Variants in RABGAP1L observed in about 807,000 individuals in gnomAD.
The protein encoded by RABGAP1L is RAB GTPase activating protein 1 like, also known as rab GTPase-activating protein 1-like.
In RABGAP1L, 63 loss-of-function variants were observed where a neutral mutation model predicts 137.7. The ratio of observed to expected loss-of-function variants is 0.46; its 90% CI spans 0.37 to 0.56. The LOEUF is 0.56. RABGAP1L is among the 20% of genes least tolerant of loss of function. The pLI, the probability that RABGAP1L is intolerant of heterozygous loss-of-function variation, is 0.00. For missense variants in RABGAP1L, 1,095 were observed against 1,244.0 expected (o/e 0.88, Z 1.80); for synonymous variants, 431 against 433.7 (o/e 0.99, Z 0.08).
intron 18 of RABGAP1L, among the ~76,000 whole-genome samples, chr1:174,781,744 T>G (rs1237837985): frequency 1.3e-5 from 2 of 152,222 alleles, no homozygotes; most frequent in Admixed American, 6.5e-5. Flanking sequence ...AATTTTTGTA[T>G]AAGGTATAAG....
intron 18 of RABGAP1L, among the ~76,000 whole-genome samples, chr1:174,799,499 T>G (rs1688535401): frequency 6.6e-6 from 1 of 152,136 alleles, no homozygotes; most frequent in African/African-American, 2.4e-5. Context: ...TGACTGGCTG[T>G]CTGATTTTTT....
chr1:174,243,955 T>C (rs544635387), intron 5 of RABGAP1L, among the ~76,000 whole-genome samples: 5 of 152,362 alleles, frequency 3.3e-5, no homozygotes, highest in African/African-American at 1.2e-4. Flanking sequence ...TTATGTTTTA[T>C]AAAGGGATTT....
intron 13 of RABGAP1L, among the ~76,000 whole-genome samples, chr1:174,550,997 C>CAT (rs1252681895): frequency 0.019 from 1,731 of 92,124 alleles, 68 homozygotes; most frequent in African/African-American, 0.039. Context: ...TATATATATA[C>CAT]ACATATATAT....
intron 19 of RABGAP1L, among the ~76,000 whole-genome samples, chr1:174,880,079 G>GA (rs60691029): frequency 6.2e-5 from 9 of 145,172 alleles, no homozygotes; most frequent in Non-Finnish European, 9.2e-5. Flanking sequence ...AAAAAAAAAG[G>GA]AAAAAAAAAC....
chr1:174,417,964 AT>A (rs1209936619), intron 13 of RABGAP1L, among the ~76,000 whole-genome samples: 2 of 152,166 alleles, frequency 1.3e-5, no homozygotes, highest in Non-Finnish European at 2.9e-5. Context: ...ATCATAGAGA[AT>A]TTTTTTATAT....
intron 10 of RABGAP1L, 32 bp from the exon 11 acceptor site, chr1:174,304,953 TA>T: frequency 6.7e-7 from 1 of 1,485,900 alleles, no homozygotes; most frequent in Non-Finnish European, 9.0e-7. Flanking sequence ...TTCAGATTTC[TA>T]ATACTTAAAT....
chr1:174,306,374 G>C (rs576478221), intron 11 of RABGAP1L, among the ~76,000 whole-genome samples: 79 of 152,150 alleles, frequency 5.2e-4, no homozygotes, highest in African/African-American at 7.0e-4. Flanking sequence ...AGTTTACAGT[G>C]CCACCAACAG....
intron 13 of RABGAP1L, among the ~76,000 whole-genome samples, chr1:174,586,295 G>A (rs1293045056): frequency 8.0e-6 from 1 of 125,070 alleles, no homozygotes; most frequent in Admixed American, 8.0e-5. Context: ...AACACCTCGT[G>A]AACAGAAAAC....
At chr1:174,427,398 A>G (rs1460637645) in intron 13 of RABGAP1L, among the ~76,000 whole-genome samples, 1 of 152,054 alleles carries the variant, frequency 6.6e-6, no homozygotes, top group Non-Finnish European at 1.5e-5. Context: ...TTCTCTCTTA[A>G]GCATGTCTTA....
At chr1:174,973,823 G>A (rs1490952327) in intron 21 of RABGAP1L, among the ~76,000 whole-genome samples, 1 of 152,082 alleles carries the variant, frequency 6.6e-6, no homozygotes, top group East Asian at 1.9e-4. Context: ...AGTGGAAATT[G>A]CTGTGGGTCC....
chr1:174,889,537 C>G (rs998733896), intron 19 of RABGAP1L, among the ~76,000 whole-genome samples: 6 of 152,212 alleles, frequency 3.9e-5, no homozygotes, highest in African/African-American at 1.4e-4. Flanking sequence ...CCTCCTGCTT[C>G]AACCTCTCAA....
intron 5 of RABGAP1L, among the ~76,000 whole-genome samples, chr1:174,250,102 G>T (rs1172551716): frequency 6.6e-6 from 1 of 152,130 alleles, no homozygotes; most frequent in Non-Finnish European, 1.5e-5. Context: ...AAGTTTCCAT[G>T]AAGTGAAATG....
chr1:174,799,789 G>A (rs1433742009), intron 18 of RABGAP1L: 2 of 969,682 alleles, frequency 2.1e-6, no homozygotes, highest in African/African-American at 1.8e-5. Flanking sequence ...AGCAGCAGCA[G>A]CAACAACAGC....
chr1:174,294,033 T>G (rs1407996660), intron 10 of RABGAP1L, among the ~76,000 whole-genome samples: 1 of 152,118 alleles, frequency 6.6e-6, no homozygotes. Context: ...GGTGTATGTT[T>G]CACAGCTGTA....
chr1:174,954,508 AT>A (rs1368973286), intron 19 of RABGAP1L, among the ~76,000 whole-genome samples: 12 of 152,314 alleles, frequency 7.9e-5, no homozygotes, highest in Non-Finnish European at 1.8e-4. Flanking sequence ...TTAAAAGGAC[AT>A]TTTTTTCTCT....
At chr1:174,169,374 G>A (rs1017200033) in intron 1 of RABGAP1L, among the ~76,000 whole-genome samples, 1 of 152,094 alleles carries the variant, frequency 6.6e-6, no homozygotes, top group East Asian at 1.9e-4. Flanking sequence ...CCACAGGCAC[G>A]TGCCATCATG....
intron 13 of RABGAP1L, among the ~76,000 whole-genome samples, chr1:174,566,896 A>G (rs1667622328): frequency 6.6e-6 from 1 of 152,184 alleles, no homozygotes; most frequent in African/African-American, 2.4e-5. Context: ...ATTTTCTAGC[A>G]TCTCCCAGTC....
At chr1:174,171,541 G>A (rs1665382346) in intron 1 of RABGAP1L, among the ~76,000 whole-genome samples, 1 of 151,918 alleles carries the variant, frequency 6.6e-6, no homozygotes, top group Non-Finnish European at 1.5e-5. Flanking sequence ...TATACAATAT[G>A]AATAATTATA....
intron 21 of RABGAP1L, among the ~76,000 whole-genome samples, chr1:174,974,916 G>A (rs779957435): frequency 1.2e-4 from 19 of 152,258 alleles, no homozygotes; most frequent in Non-Finnish European, 7.3e-5. Flanking sequence ...GCAGAAGACG[G>A]ACAGAAGGCC....
Sources: allele counts gnomAD v4.1 joint callset (sites outside exome capture counted in the v4.1 genomes callset), GRCh38; gene constraint gnomAD v4.1.1; transcripts MANE v1.5; gene names NCBI Gene and HGNC (gene_info 2026-07-23, HGNC 2026-07-21).